ZNF26: variants seen among roughly 807,000 people sequenced by gnomAD.
The protein encoded by ZNF26 is zinc finger protein 26.
ZNF26 carries 32 observed loss-of-function variants against 54.9 expected under a neutral mutation model. The ratio of observed to expected loss-of-function variants is 0.58; its 90% CI spans 0.44 to 0.78. The LOEUF (loss-of-function observed/expected upper bound fraction) is 0.78. Among genes scored for constraint, ZNF26 ranks in the 30% least tolerant of loss-of-function variants. The pLI is 0.00. For synonymous variants in ZNF26, 221 were observed against 209.2 expected (o/e 1.06, Z -0.49); for missense variants, 524 against 634.0 (o/e 0.83, Z 1.86).
intron 1 of ZNF26, among the ~76,000 whole-genome samples, chr12:132,993,027 CTTTTTT>C (rs71079156): frequency 7.7e-6 from 1 of 129,428 alleles, no homozygotes; most frequent in Non-Finnish European, 1.6e-5. Context: ...ACTAGTATTT[CTTTTTT>C]TTTTTTTTTG....
At chr12:133,009,045 C>T (rs1953408673) in intron 3 of ZNF26, among the ~76,000 whole-genome samples, 2 of 152,256 alleles carry the variant, frequency 1.3e-5, no homozygotes, top group South Asian at 4.1e-4. Flanking sequence ...TGCACCAAGC[C>T]ATGAGGGATC....
chr12:133,007,226 T>C (rs1255155832), intron 2 of ZNF26, 58 bp downstream of exon 2: 3 of 1,592,908 alleles, frequency 1.9e-6, no homozygotes, highest in East Asian at 2.2e-5. Context: ...CATCCCTTTT[T>C]TTGTTGTTGA....
chr12:132,998,967 C>A (rs1953151076), intron 1 of ZNF26, among the ~76,000 whole-genome samples: 1 of 152,174 alleles, frequency 6.6e-6, no homozygotes. Context: ...ACCCAATTGC[C>A]CTAAGCTATA....
In ZNF26 at chr12:133,011,044, C is replaced by A; in HGVS notation, c.1165C>A (p.Leu389Met). The change falls in exon 4 of 4, where the codon CTG becomes ATG. Residue 389 changes from leucine (L) to methionine (M), a missense_variant. Physicochemically the swap from Leu to Met is conservative, Grantham distance 15. Coordinates refer to ENST00000328654, the MANE Select transcript of ZNF26 (RefSeq NM_019591.4). ...FGRKEQLTAH[L>M]RAHAGEKPYG... is the part of the protein sequence containing the mutation. Reference sequence around the variant, plus strand: ...TAGGAAGGAACAGCTCACTGCACATCTGAGAGCTCATGCAGGAGAGAAGCC... The same window carrying A: ...TAGGAAGGAACAGCTCACTGCACATATGAGAGCTCATGCAGGAGAGAAGCC... 2 of 1,614,166 alleles carry A rather than the reference C, an allele frequency of 1.2e-6. No homozygotes were observed. Among genetic ancestry groups the A allele is most frequent in the Non-Finnish European group, 1.7e-6 (2 of 1,180,018 alleles).
intron 1 of ZNF26, among the ~76,000 whole-genome samples, chr12:132,989,391 C>T (rs1221950835): frequency 6.6e-6 from 1 of 152,106 alleles, no homozygotes; most frequent in African/African-American, 2.4e-5. Context: ...AAGTTTTATT[C>T]CTTCCTTCAC....
intron 1 of ZNF26, among the ~76,000 whole-genome samples, chr12:132,998,586 C>T (rs1395435122): frequency 2.6e-5 from 4 of 152,190 alleles, no homozygotes; most frequent in East Asian, 1.9e-4. Flanking sequence ...CCTGTCTTCT[C>T]GAGATCCCAA....
At position 133,018,435 on chromosome 12, in the gene ZNF26, G is replaced by C. The variant is rs1158784209; in HGVS notation, c.*6954G>C. On this transcript the variant is annotated 3_prime_UTR_variant, in exon 4 of 4. Coordinates refer to ENST00000328654, the MANE Select transcript of ZNF26 (RefSeq NM_019591.4). ...ATTAAGGTAGTATAAATCTGAAGTA[G>C]ACTCTGATAAGTTAATGTGTATTTA... The C allele has an allele frequency of 6.6e-6, 1 of 152,248 alleles. No homozygotes were observed. The allele number at this position is 152,248 out of a possible 1,614,324, so 9.4% of individuals were successfully genotyped here. A position where few individuals can be genotyped will look rare whatever the true frequency, so the allele number is the denominator to read the frequency against.
In ZNF26 at chr12:133,018,152, C is replaced by T. The variant is rs921084120; in HGVS notation, c.*6671C>T. On this transcript the variant is annotated 3_prime_UTR_variant, in exon 4 of 4. Transcript: ENST00000328654. The stretch of plus-strand genomic sequence containing the variant: ...GTCGTGTTGGGGTAAGGAAATGGCT[C>T]TAGATGGCAACTTAAAGCCACAAGA... 1.3e-5 allele frequency: 2 copies of T among 152,226 alleles called. No homozygotes were observed. The highest frequency in any genetic ancestry group is 2.9e-5 in the Non-Finnish European group (2 of 68,040). The allele number at this position is 152,226 out of a possible 1,614,324, so 9.4% of individuals were successfully genotyped here.
At chr12:132,995,555 T>C (rs1953060790) in intron 1 of ZNF26, among the ~76,000 whole-genome samples, 1 of 152,226 alleles carries the variant, frequency 6.6e-6, no homozygotes, top group South Asian at 2.1e-4. Context: ...TATCTGCCTA[T>C]TCCTTTTGTC....
rs1160181632 is a variant in ZNF26 at position 133,024,216 on chromosome 12, T to C, written c.*12735T>C. On this transcript the variant is annotated 3_prime_UTR_variant, in exon 4 of 4. Transcript: ENST00000328654. ...TGATGAGCAGAATCTGAAAGGCCCT[T>C]GAGTAAAATATCAGTAAAACCCAGT... 1.3e-5 allele frequency: 2 copies of C among 152,202 alleles called. No individual in the cohort carries two copies. The highest frequency in any genetic ancestry group is 3.8e-4 in the East Asian group (2 of 5,196). The allele number at this position is 152,202 out of a possible 1,614,324, so 9.4% of individuals were successfully genotyped here. A position where few individuals can be genotyped will look rare whatever the true frequency, so the allele number is the denominator to read the frequency against.
At position 133,000,659 on chromosome 12, in the gene ZNF26, C is replaced by T. The variant is rs1002749319; in HGVS notation, c.34-6383C>T. Among the ~76,000 whole-genome samples the T allele has an allele frequency of 6.6e-5, 10 of 152,080 alleles. No homozygotes were observed. The East Asian group carries it at 1.5e-3, about 24-fold the overall frequency. On this transcript the variant is annotated intron_variant, in intron 1 of 3. Coordinates refer to ENST00000328654, the MANE Select transcript of ZNF26 (RefSeq NM_019591.4). ...CAGGATGGTCTCGATCTCCTGACCT[C>T]GTGATCCGCCCACCTTGGCCTCCCA... is the stretch of plus-strand genomic sequence containing the variant.
Position 133,026,922 on chromosome 12 carries a change from T to A in ZNF26, c.*15441T>A, listed in dbSNP as rs1330904963. The A allele has an allele frequency of 3.9e-5, 6 of 152,188 alleles. No homozygotes were observed. The highest frequency in any genetic ancestry group is 1.4e-4 in the African/African-American group (6 of 41,430). 9.4% of individuals were successfully genotyped at this position (152,188 alleles called of 1,614,324 possible). A position where few individuals can be genotyped will look rare whatever the true frequency, so the allele number is the denominator to read the frequency against. On this transcript the variant is annotated 3_prime_UTR_variant, in exon 4 of 4. Transcript: ENST00000328654. ...CAAATAATGTAGAAATAGAGTGATA[T>A]GAAACATAAATACCTATATAGGTTA...
At position 133,011,141 on chromosome 12, in the gene ZNF26, C is replaced by G; in HGVS notation, c.1262C>G (p.Thr421Ser). 1.2e-6 allele frequency: 2 copies of G among 1,614,130 alleles called. No homozygotes were observed. The highest frequency in any genetic ancestry group is 2.7e-5 in the African/African-American group (2 of 75,028). Residue 421 changes from threonine (T) to serine (S), a missense_variant, in exon 4 of 4, where the codon ACC becomes AGC. By Grantham distance (58) the Thr-to-Ser change is moderately conservative. Transcript: ENST00000328654. ...CTTGTTATACATAGGAGAACACACA[C>G]CGGAGAGAGACCCTATGAATGTAGT... ...SYLVIHRRTHTGERPYECSLC... is the reference protein window; with the variant it reads ...SYLVIHRRTHSGERPYECSLC...
At chr12:133,005,016 T>A (rs1953293571) in intron 1 of ZNF26, 1 of 152,190 alleles carries the variant, frequency 6.6e-6, no homozygotes, top group South Asian at 2.1e-4. Flanking sequence ...TTGGACCTTT[T>A]TTTTGTTTGT....
chr12:133,018,023 A>G lies in ZNF26; in HGVS notation c.*6542A>G, dbSNP rs981533658. 2 of 152,234 alleles carry G rather than the reference A, an allele frequency of 1.3e-5. No individual in the cohort carries two copies. Among genetic ancestry groups the G allele is most frequent in the Non-Finnish European group, 2.9e-5 (2 of 68,048 alleles). 9.4% of individuals were successfully genotyped at this position (152,234 alleles called of 1,614,324 possible). Reference sequence around the variant, plus strand: ...GACTCCGTCTCAATAACAGCAACAAAAAAAGCAATTATATAAAACAATATG... The same window carrying G: ...GACTCCGTCTCAATAACAGCAACAAGAAAAGCAATTATATAAAACAATATG... On this transcript the variant is annotated 3_prime_UTR_variant, in exon 4 of 4. Transcript: ENST00000328654.
rs1953489836 is a variant in ZNF26, at chr12:133,012,131, A to G, written c.*650A>G. 6.6e-6 allele frequency: 1 copy of G among 152,174 alleles called. No homozygotes were observed. Among genetic ancestry groups the G allele is most frequent in the African/African-American group, 2.4e-5 (1 of 41,434 alleles). 9.4% of individuals were successfully genotyped at this position (152,174 alleles called of 1,614,324 possible). A position where few individuals can be genotyped will look rare whatever the true frequency, so the allele number is the denominator to read the frequency against. ...ATTATCTTTTGATTTCTTTTTCATAAGCAGATCTGGCATTTATTACAGGGC... is the reference window on the plus strand; with the variant it reads ...ATTATCTTTTGATTTCTTTTTCATAGGCAGATCTGGCATTTATTACAGGGC... On this transcript the variant is annotated 3_prime_UTR_variant, in exon 4 of 4. Transcript: ENST00000328654.
Position 133,019,004 on chromosome 12 carries a change from T to C in ZNF26, c.*7523T>C, listed in dbSNP as rs1449934376. 6.6e-6 allele frequency: 1 copy of C among 152,038 alleles called. No individual in the cohort carries two copies. The highest frequency in any genetic ancestry group is 1.5e-5 in the Non-Finnish European group (1 of 67,998). 9.4% of individuals were successfully genotyped at this position (152,038 alleles called of 1,614,324 possible). A position where few individuals can be genotyped will look rare whatever the true frequency, so the allele number is the denominator to read the frequency against. ...GAAGACATACATACATACTCAAAGA[T>C]ACAATTGGATTAGAAGTAAAGGATG... is the stretch of plus-strand genomic sequence containing the variant. On this transcript the variant is annotated 3_prime_UTR_variant, in exon 4 of 4. Coordinates refer to ENST00000328654, the MANE Select transcript of ZNF26 (RefSeq NM_019591.4).
intron 1 of ZNF26, among the ~76,000 whole-genome samples, chr12:132,996,411 T>G (rs1953085856): frequency 6.6e-6 from 1 of 152,236 alleles, no homozygotes; most frequent in Non-Finnish European, 1.5e-5. Context: ...TTTTAGTTTG[T>G]TTAGTCCTCC....
At chr12:133,002,270 G>C (rs1953234826) in intron 1 of ZNF26, among the ~76,000 whole-genome samples, 1 of 152,096 alleles carries the variant, frequency 6.6e-6, no homozygotes, top group African/African-American at 2.4e-5. Flanking sequence ...GTCTCTATCA[G>C]GTTGTGTTCT....
Sources: allele counts gnomAD v4.1 joint callset (sites outside exome capture counted in the v4.1 genomes callset), GRCh38; gene constraint gnomAD v4.1.1; transcripts MANE v1.5; gene names NCBI Gene and HGNC (gene_info 2026-07-23, HGNC 2026-07-21).